The following CACNA2D3 variants were observed in gnomAD, a reference collection of about 807,000 sequenced individuals.
CACNA2D3 encodes the protein voltage-dependent calcium channel subunit alpha-2/delta-3.
Under a neutral mutation model 160.6 loss-of-function variants are expected in CACNA2D3, and 60 were observed. The observed-to-expected ratio is 0.37, with a 90% CI of 0.30 to 0.46. The LOEUF is 0.46. Ranked by LOEUF, CACNA2D3 falls within the 20% of genes least tolerant of loss-of-function variation. CACNA2D3 has a pLI of 1.00. For synonymous variants in CACNA2D3, 558 were observed against 492.9 expected (o/e 1.13, Z -1.75); for missense variants, 1,205 against 1,365.0 (o/e 0.88, Z 1.85).
intron 11 of CACNA2D3, among the ~76,000 whole-genome samples, chr3:54,725,113 C>T (rs1701252221): frequency 6.6e-6 from 1 of 152,094 alleles, no homozygotes; most frequent in Admixed American, 6.6e-5. Flanking sequence ...TACAAACTAC[C>T]ATCAGAGAAT....
intron 11 of CACNA2D3, among the ~76,000 whole-genome samples, chr3:54,662,620 A>C (rs1041718282): frequency 1.3e-5 from 2 of 152,196 alleles, no homozygotes; most frequent in Non-Finnish European, 2.9e-5. Context: ...CCTCAGCCTC[A>C]GGCCAGCAAG....
At chr3:54,295,861 G>C (rs796468306) in intron 2 of CACNA2D3, among the ~76,000 whole-genome samples, 8 of 152,302 alleles carry the variant, frequency 5.3e-5, no homozygotes, top group African/African-American at 1.9e-4. Flanking sequence ...AGGCAGGTTT[G>C]CCCAATGCAG....
intron 6 of CACNA2D3, among the ~76,000 whole-genome samples, chr3:54,568,715 G>C (rs1422745014): frequency 6.6e-6 from 1 of 152,142 alleles, no homozygotes; most frequent in Non-Finnish European, 1.5e-5. Context: ...AACATTTTCT[G>C]ATTTCTTATG....
intron 34 of CACNA2D3, 46 bp from the exon 35 acceptor site, chr3:55,018,160 C>A (rs753776998): frequency 1.6e-6 from 2 of 1,240,642 alleles, no homozygotes; most frequent in Non-Finnish European, 2.3e-6. Context: ...AATTTTGAGC[C>A]TGTGCCTTGC....
intron 2 of CACNA2D3, among the ~76,000 whole-genome samples, chr3:54,200,050 A>G (rs761238016): frequency 3.9e-5 from 6 of 152,216 alleles, no homozygotes; most frequent in Non-Finnish European, 8.8e-5. Context: ...AGTGGAAACT[A>G]TTTAATATCT....
At chr3:54,795,770 T>C (rs1312497055) in intron 13 of CACNA2D3, among the ~76,000 whole-genome samples, 2 of 152,180 alleles carry the variant, frequency 1.3e-5, no homozygotes, top group Admixed American at 6.5e-5. Flanking sequence ...TGACTTTCTA[T>C]ACTAAGAGAA....
chr3:54,285,158 G>A (rs1481789251), intron 2 of CACNA2D3, among the ~76,000 whole-genome samples: 1 of 152,198 alleles, frequency 6.6e-6, no homozygotes, highest in Non-Finnish European at 1.5e-5. Flanking sequence ...AGCGCAAGGG[G>A]TCAGGGAGTT....
chr3:54,685,137 G>A (rs773569680), intron 11 of CACNA2D3, among the ~76,000 whole-genome samples: 3 of 152,098 alleles, frequency 2.0e-5, no homozygotes, highest in African/African-American at 4.8e-5. Context: ...TTCAACAGCC[G>A]AAAAATGCAG....
rs571169495 is a variant in CACNA2D3, at chr3:54,753,188, A to T, written c.1246+511A>T. Among the ~76,000 whole-genome samples the T allele has an allele frequency of 7.9e-5, 12 of 152,238 alleles. No individual in the cohort carries two copies. The East Asian group carries it at 2.3e-3, about 29-fold the overall frequency. ...AAATTTTGAGGACATAGTCAAGTGG[A>T]GTGGTTAAGCCTTTCCACTCTTCTG... On this transcript the variant is annotated intron_variant, in intron 12 of 37. Transcript: ENST00000474759.
chr3:54,824,602 G>A (rs1440527559), intron 14 of CACNA2D3, among the ~76,000 whole-genome samples: 1 of 152,136 alleles, frequency 6.6e-6, no homozygotes, highest in Non-Finnish European at 1.5e-5. Flanking sequence ...TGGAGTGGAG[G>A]CCCCACCTGC....
chr3:54,844,793 A>G (rs1003255000), intron 16 of CACNA2D3, among the ~76,000 whole-genome samples: 1 of 152,198 alleles, frequency 6.6e-6, no homozygotes, highest in Non-Finnish European at 1.5e-5. Context: ...TGCTTCTCAC[A>G]AGCAAAAGAA....
chr3:54,133,791 T>C (rs1041349016), intron 2 of CACNA2D3, among the ~76,000 whole-genome samples: 2 of 152,214 alleles, frequency 1.3e-5, no homozygotes, highest in African/African-American at 4.8e-5. Context: ...TAAGTTTTCC[T>C]TTGTGTATTC....
chr3:54,347,272 T>C (rs900257983), intron 3 of CACNA2D3, among the ~76,000 whole-genome samples: 1 of 152,204 alleles, frequency 6.6e-6, no homozygotes, highest in Non-Finnish European at 1.5e-5. Context: ...GGGAAAGCTA[T>C]GATTAAACCT....
chr3:54,687,421 A>G lies in CACNA2D3; in HGVS notation c.1167+45180A>G, dbSNP rs114138909. ...TGCCTTGGCCTCCCAATGTGCCAGGATTATAGGCATGAGCCACCATGCCCG... is the reference window on the plus strand; with the variant it reads ...TGCCTTGGCCTCCCAATGTGCCAGGGTTATAGGCATGAGCCACCATGCCCG... On this transcript the variant is annotated intron_variant, in intron 11 of 37. Transcript: ENST00000474759. Among the ~76,000 whole-genome samples, 1,017 of 151,270 alleles carry G rather than the reference A, an allele frequency of 6.7e-3. 18 individuals are homozygous for G. Among genetic ancestry groups the G allele is most frequent in the African/African-American group, 0.023 (962 of 41,152 alleles).
intron 2 of CACNA2D3, among the ~76,000 whole-genome samples, chr3:54,161,843 T>G (rs1282332864): frequency 2.0e-5 from 3 of 152,220 alleles, no homozygotes; most frequent in African/African-American, 7.2e-5. Flanking sequence ...CTCCTCATTT[T>G]CTGACACAAA....
chr3:54,534,441 G>C (rs911903980), intron 5 of CACNA2D3, among the ~76,000 whole-genome samples: 3 of 151,946 alleles, frequency 2.0e-5, no homozygotes, highest in Non-Finnish European at 1.5e-5. Flanking sequence ...CTGCTCACTC[G>C]GAGCTGTTCT....
intron 11 of CACNA2D3, among the ~76,000 whole-genome samples, chr3:54,667,766 G>T (rs1700092408): frequency 6.6e-6 from 1 of 152,034 alleles, no homozygotes; most frequent in South Asian, 2.1e-4. Flanking sequence ...GTAACATAGG[G>T]AGACCCAGTC....
intron 32 of CACNA2D3, among the ~76,000 whole-genome samples, chr3:55,005,737 T>C (rs79103059): frequency 6.6e-6 from 1 of 152,186 alleles, no homozygotes; most frequent in Non-Finnish European, 1.5e-5. Context: ...GTAGACAATG[T>C]AAATTTGGCC....
At chr3:54,129,144 T>C (rs1268673708) in intron 2 of CACNA2D3, among the ~76,000 whole-genome samples, 3 of 152,238 alleles carry the variant, frequency 2.0e-5, no homozygotes, top group Admixed American at 6.5e-5. Flanking sequence ...CTGTCTGAAG[T>C]GGTTGTTCTA....
Sources: gnomAD v4.1 joint callset for allele counts (sites outside exome capture counted in the v4.1 genomes callset) on GRCh38, gnomAD v4.1.1 for gene constraint, MANE v1.5 for transcripts, NCBI Gene and HGNC (gene_info 2026-07-23, HGNC 2026-07-21) for gene names.